OLFM2: variants seen among roughly 807,000 people sequenced by gnomAD.
The protein encoded by OLFM2 is noelin-2.
In OLFM2, 20 loss-of-function variants were observed where a neutral mutation model predicts 43.9. The observed-to-expected ratio is 0.46, with a 90% confidence interval of 0.32 to 0.66. OLFM2 has a LOEUF of 0.66. Among genes scored for constraint, OLFM2 ranks in the 30% least tolerant of loss-of-function variants. The pLI is 0.04. For missense variants in OLFM2, 416 were observed against 643.6 expected, an observed-to-expected ratio of 0.65 and a Z score of 3.83; for synonymous variants, 268 against 278.6, an observed-to-expected ratio of 0.96 and a Z score of 0.38.
intron 1 of OLFM2, among the ~76,000 whole-genome samples, chr19:9,914,719 C>T (rs1016011647): frequency 6.6e-6 from 1 of 152,078 alleles, no homozygotes; most frequent in Non-Finnish European, 1.5e-5. Flanking sequence ...GCCCTCGCCG[C>T]CCACCCGTCC....
At chr19:9,863,797 T>C (rs947938280) in intron 1 of OLFM2, among the ~76,000 whole-genome samples, 1 of 152,156 alleles carries the variant, frequency 6.6e-6, no homozygotes, top group Non-Finnish European at 1.5e-5. Flanking sequence ...GTACAAATTA[T>C]ACAGATGAGC....
Position 9,936,298 on chromosome 19 carries a change from C to T in OLFM2, c.63+6G>A, listed in dbSNP as rs1010724945. On this transcript the variant is annotated splice_donor_region_variant and intron_variant, in intron 1 of 5. Transcript: ENST00000264833. ...CCGCGCCCGCACCTGCCCGCCGGGC[C>T]CCTACCTGTCCGGCCAGGCCTGAGC... 9 of 1,528,366 alleles carry T rather than the reference C, an allele frequency of 5.9e-6. 1 individual carries two copies. In the Admixed American group the frequency reaches 1.6e-4, roughly 27 times the overall value. The allele number at this position is 1,528,366 out of a possible 1,614,324, so 94.7% of individuals were successfully genotyped here.
chr19:9,914,634 C>G (rs901346258), intron 1 of OLFM2, among the ~76,000 whole-genome samples: 4 of 151,912 alleles, frequency 2.6e-5, no homozygotes, highest in Non-Finnish European at 5.9e-5. Flanking sequence ...GCGGGGCACT[C>G]ACGCTTCGGA....
At chr19:9,859,618 G>A (rs1239638849) in intron 2 of OLFM2, among the ~76,000 whole-genome samples, 1 of 152,326 alleles carries the variant, frequency 6.6e-6, no homozygotes, top group South Asian at 2.1e-4. Context: ...TCTTGACCAT[G>A]ATCAGAGGTA....
At chr19:9,880,683 G>A in intron 1 of OLFM2, among the ~76,000 whole-genome samples, 1 of 152,100 alleles carries the variant, frequency 6.6e-6, no homozygotes, top group East Asian at 1.9e-4. Flanking sequence ...CAGTAAGAAG[G>A]TGGCCACCTG....
intron 1 of OLFM2, among the ~76,000 whole-genome samples, chr19:9,892,304 G>A (rs1343652633): frequency 6.6e-6 from 1 of 152,180 alleles, no homozygotes; most frequent in Non-Finnish European, 1.5e-5. Flanking sequence ...CTGTATCAGA[G>A]TACATACAGC....
chr19:9,888,863 G>C (rs56160930), intron 1 of OLFM2, among the ~76,000 whole-genome samples: 4 of 151,964 alleles, frequency 2.6e-5, no homozygotes, highest in Non-Finnish European at 4.4e-5. Flanking sequence ...TCAGGAGATC[G>C]AGACCATCCT....
chr19:9,859,563 G>T (rs2046351014), intron 2 of OLFM2, among the ~76,000 whole-genome samples: 1 of 152,190 alleles, frequency 6.6e-6, no homozygotes, highest in African/African-American at 2.4e-5. Flanking sequence ...AAAGTGCTGG[G>T]ATTACAGGCG....
chr19:9,907,447 G>A (rs1191828597), intron 1 of OLFM2, among the ~76,000 whole-genome samples: 1 of 151,968 alleles, frequency 6.6e-6, no homozygotes, highest in African/African-American at 2.4e-5. Flanking sequence ...GGGTGAGAGC[G>A]AGATTCTATC....
intron 1 of OLFM2, among the ~76,000 whole-genome samples, chr19:9,899,139 C>T (rs753299117): frequency 6.6e-6 from 1 of 152,000 alleles, no homozygotes; most frequent in African/African-American, 2.4e-5. Flanking sequence ...GTGGCAGCCA[C>T]CTGTAATCCC....
At chr19:9,889,065 C>CAAA (rs35972487) in intron 1 of OLFM2, among the ~76,000 whole-genome samples, 118 of 121,126 alleles carry the variant, frequency 9.7e-4, no homozygotes, top group African/African-American at 3.4e-3. Context: ...GACTCCGTCT[C>CAAA]AAAAAAAAAA....
chr19:9,861,202 T>A (rs1343815430), intron 1 of OLFM2, among the ~76,000 whole-genome samples: 1 of 143,602 alleles, frequency 7.0e-6, no homozygotes, highest in Non-Finnish European at 1.5e-5. Context: ...GGCCACTTAA[T>A]GTTTTTTTTT....
intron 1 of OLFM2, among the ~76,000 whole-genome samples, chr19:9,883,421 G>T (rs1423095237): frequency 6.6e-6 from 1 of 152,124 alleles, no homozygotes; most frequent in South Asian, 2.1e-4. Context: ...TGGAGGGGAG[G>T]GGGTAGTGGC....
intron 1 of OLFM2, among the ~76,000 whole-genome samples, chr19:9,923,030 A>G (rs899267709): frequency 1.3e-5 from 2 of 152,108 alleles, no homozygotes; most frequent in East Asian, 3.8e-4. Context: ...AGAGTTGTTG[A>G]CTTTTTGGAA....
chr19:9,860,631 T>G lies in OLFM2; in HGVS notation c.213+14A>C. The G allele has an allele frequency of 6.4e-7, 1 of 1,571,636 alleles. No individual in the cohort carries two copies. The highest frequency in any genetic ancestry group is 8.6e-7 in the Non-Finnish European group (1 of 1,157,652). On this transcript the variant is annotated intron_variant, in intron 2 of 5. Coordinates refer to ENST00000264833, the MANE Select transcript of OLFM2 (RefSeq NM_058164.4). ...TTTTCCCAGCTGCCCCCAGGGTACC[T>G]GGAAGGTTCTCACCTTCTCCATCAG...
chr19:9,901,083 GA>G (rs1421966430), intron 1 of OLFM2, among the ~76,000 whole-genome samples: 3 of 116,750 alleles, frequency 2.6e-5, no homozygotes, highest in Admixed American at 8.8e-5. Flanking sequence ...GAAAGAAAGA[GA>G]GTGAGGAAGG....
intron 1 of OLFM2, among the ~76,000 whole-genome samples, chr19:9,881,191 C>A (rs1398699230): frequency 6.6e-6 from 1 of 152,218 alleles, no homozygotes; most frequent in African/African-American, 2.4e-5. Context: ...GCCACTGTGC[C>A]CGGCAACCCC....
In OLFM2 at chr19:9,893,148, C is replaced by T. The variant is rs371463215; in HGVS notation, c.64-32354G>A. 4.0e-5 allele frequency among the ~76,000 whole-genome samples: 6 copies of T among 149,504 alleles called. No individual in the cohort carries two copies. In the East Asian group the frequency reaches 7.8e-4, roughly 20 times the overall value. ...TCTGTCATAGAGTCAAACCACAAGG[C>T]ATCTTTTATTTTTTTTCTTTTTCTT... On this transcript the variant is annotated intron_variant, in intron 1 of 5. Coordinates refer to ENST00000264833, the MANE Select transcript of OLFM2 (RefSeq NM_058164.4).
At position 9,856,687 on chromosome 19, in the gene OLFM2, G is replaced by T; in HGVS notation, c.687+120C>A. The T allele has an allele frequency of 1.3e-6, 1 of 780,066 alleles. No homozygotes were observed. 48.3% of individuals were successfully genotyped at this position (780,066 alleles called of 1,614,324 possible). ...GACAGGGAGGTCCAATGGCCCTGGGGGATCCAGGACACTTTGGGCTACAAG... is the reference window on the plus strand; with the variant it reads ...GACAGGGAGGTCCAATGGCCCTGGGTGATCCAGGACACTTTGGGCTACAAG... On this transcript the variant is annotated intron_variant, in intron 5 of 5. Transcript: ENST00000264833. The surrounding 1 kb of genome is among the most constrained non-coding windows in gnomAD (Gnocchi z 4.0).
Sources: gnomAD v4.1 joint callset for allele counts (sites outside exome capture counted in the v4.1 genomes callset) on GRCh38, gnomAD v4.1.1 for gene constraint, Gnocchi (gnomAD v3.1) non-coding constraint, MANE v1.5 for transcripts, NCBI Gene and HGNC (gene_info 2026-07-23, HGNC 2026-07-21) for gene names.